MAP7: variants seen among roughly 807,000 people sequenced by gnomAD.
MAP7 encodes ensconsin.
In MAP7, 52 loss-of-function variants were observed where a neutral mutation model predicts 94.8. The ratio of observed to expected loss-of-function variants is 0.55; its 90% CI spans 0.44 to 0.69. The LOEUF (loss-of-function observed/expected upper bound fraction) is 0.69. MAP7 is among the 30% of genes least tolerant of loss of function. MAP7 has a pLI of 0.00. For missense variants in MAP7, 940 were observed against 964.6 expected, an observed-to-expected ratio of 0.97 and a Z score of 0.34; for synonymous variants, 350 against 357.0, an observed-to-expected ratio of 0.98 and a Z score of 0.22.
chr6:136,420,564 C>T (rs749458784), intron 2 of MAP7: 4 of 189,018 alleles, frequency 2.1e-5, no homozygotes, highest in Non-Finnish European at 4.4e-5. Flanking sequence ...CATGCTTCTT[C>T]GGCATAGAAG....
chr6:136,388,834 C>T (rs923219885), intron 4 of MAP7, among the ~76,000 whole-genome samples: 3 of 152,056 alleles, frequency 2.0e-5, no homozygotes, highest in African/African-American at 7.2e-5. Context: ...TTATACGATA[C>T]CATATTTACC....
chr6:136,543,723 C>G (rs1435561567), intron 1 of MAP7, among the ~76,000 whole-genome samples: 1 of 152,038 alleles, frequency 6.6e-6, no homozygotes, highest in African/African-American at 2.4e-5. Flanking sequence ...AAAGGCAAAA[C>G]TAGGAAGATG....
chr6:136,522,086 G>A (rs1236896895), intron 1 of MAP7, among the ~76,000 whole-genome samples: 1 of 152,022 alleles, frequency 6.6e-6, no homozygotes, highest in Non-Finnish European at 1.5e-5. Flanking sequence ...CTTAATAATC[G>A]CTGTGCTCAG....
At chr6:136,471,520 A>C (rs916092448) in intron 1 of MAP7, among the ~76,000 whole-genome samples, 4 of 152,108 alleles carry the variant, frequency 2.6e-5, no homozygotes, top group African/African-American at 9.7e-5. Context: ...TCTAGAGGAC[A>C]CACTTTTCAA....
chr6:136,486,243 T>C (rs1814705596), intron 1 of MAP7, among the ~76,000 whole-genome samples: 1 of 152,156 alleles, frequency 6.6e-6, no homozygotes, highest in Non-Finnish European at 1.5e-5. Context: ...AAATTATGTT[T>C]GAATCCTTAA....
chr6:136,453,709 C>A (rs1801875852), intron 1 of MAP7, among the ~76,000 whole-genome samples: 2 of 152,168 alleles, frequency 1.3e-5, no homozygotes, highest in African/African-American at 2.4e-5. Flanking sequence ...TAATTTGGTT[C>A]TCTTCCTTAT....
intron 16 of MAP7, among the ~76,000 whole-genome samples, chr6:136,350,073 A>G (rs1011172826): frequency 6.6e-6 from 1 of 152,204 alleles, no homozygotes; most frequent in African/African-American, 2.4e-5. Flanking sequence ...TTCTCTCTCA[A>G]TTTGAATGAA....
chr6:136,473,183 C>G (rs1809629748), intron 1 of MAP7, among the ~76,000 whole-genome samples: 1 of 152,214 alleles, frequency 6.6e-6, no homozygotes, highest in Non-Finnish European at 1.5e-5. Context: ...TCAATTCTCC[C>G]AAACAGAAGT....
In MAP7 at chr6:136,354,520, G is replaced by A. The variant is rs7769087; in HGVS notation, c.2015+2172C>T. Reference sequence around the variant, plus strand: ...TTTCCTTTAAAGGAGAGACACTGGAGTAGATGGCCAATGGATTTCATATTA... The same window carrying A: ...TTTCCTTTAAAGGAGAGACACTGGAATAGATGGCCAATGGATTTCATATTA... On this transcript the variant is annotated intron_variant, in intron 16 of 17. Transcript: ENST00000354570. 1.9e-3 allele frequency among the ~76,000 whole-genome samples: 277 copies of A among 149,586 alleles called. 1 individual carries two copies. Among genetic ancestry groups the A allele is most frequent in the African/African-American group, 6.2e-3 (253 of 40,962 alleles).
intron 6 of MAP7, among the ~76,000 whole-genome samples, chr6:136,382,882 C>G (rs919079929): frequency 2.0e-5 from 3 of 152,090 alleles, no homozygotes; most frequent in Non-Finnish European, 2.9e-5. Context: ...TCATATTGCA[C>G]AACAATTCTT....
chr6:136,387,076 C>G (rs1005712038), intron 5 of MAP7, among the ~76,000 whole-genome samples: 2 of 152,158 alleles, frequency 1.3e-5, no homozygotes, highest in Non-Finnish European at 2.9e-5. Flanking sequence ...CCTCCCAAAG[C>G]ACTAGGATTA....
chr6:136,498,101 T>C (rs1818827115), intron 1 of MAP7, among the ~76,000 whole-genome samples: 4 of 152,096 alleles, frequency 2.6e-5, no homozygotes, highest in Admixed American at 1.3e-4. Flanking sequence ...TTTGAGAAGA[T>C]GATGAAAGCT....
At chr6:136,468,384 A>G (rs1008130021) in intron 1 of MAP7, among the ~76,000 whole-genome samples, 10 of 152,172 alleles carry the variant, frequency 6.6e-5, no homozygotes, top group African/African-American at 2.4e-4. Flanking sequence ...ACAGATGAGG[A>G]AACTCTGAGA....
intron 1 of MAP7, among the ~76,000 whole-genome samples, chr6:136,544,929 C>CA (rs1829606459): frequency 6.6e-6 from 1 of 152,148 alleles, no homozygotes; most frequent in African/African-American, 2.4e-5. Context: ...ACCCGCCCCC[C>CA]ATCTCTTTGG....
intron 2 of MAP7, 38 bp from the exon 3 acceptor site, chr6:136,411,735 G>C (rs761781815): frequency 8.5e-5 from 120 of 1,419,960 alleles, no homozygotes; most frequent in Non-Finnish European, 1.1e-4. Context: ...GATGAAGAGT[G>C]GATTAAAAAA....
intron 1 of MAP7, among the ~76,000 whole-genome samples, chr6:136,494,582 CT>C (rs1817646695): frequency 6.6e-6 from 1 of 152,072 alleles, no homozygotes. Context: ...TCTGTTATGT[CT>C]TTTACCATGA....
intron 2 of MAP7, 47 bp from the exon 3 acceptor site, chr6:136,411,744 A>G (rs537833993): frequency 7.0e-7 from 1 of 1,426,788 alleles, no homozygotes; most frequent in South Asian, 1.3e-5. Flanking sequence ...TGGATTAAAA[A>G]AAAAAAGAAA....
At chr6:136,414,122 G>A (rs1240094623) in intron 2 of MAP7, among the ~76,000 whole-genome samples, 4 of 149,610 alleles carry the variant, frequency 2.7e-5, no homozygotes, top group Admixed American at 2.7e-4. Context: ...GCGTGGTAGC[G>A]GGCGCCTGTA....
chr6:136,354,447 G>GTAGATATATATA (rs1790270524), intron 16 of MAP7, among the ~76,000 whole-genome samples: 1 of 128,122 alleles, frequency 7.8e-6, no homozygotes, highest in African/African-American at 3.4e-5. Context: ...TATATATATA[G>GTAGATATATATA]TAGATATATA....
Sources: gnomAD v4.1 joint callset for allele counts (sites outside exome capture counted in the v4.1 genomes callset) on GRCh38, gnomAD v4.1.1 for gene constraint, MANE v1.5 for transcripts, NCBI Gene and HGNC (gene_info 2026-07-23, HGNC 2026-07-21) for gene names.